Variants in CFAP95 observed in about 807,000 individuals in gnomAD.
The protein encoded by CFAP95 is cilia- and flagella-associated protein 95.
chr9:69,873,896 A>G, the CFAP95 span, among the ~76,000 whole-genome samples: 1 of 152,250 alleles, frequency 6.6e-6, no homozygotes, highest in African/African-American at 2.4e-5. Flanking sequence ...GGGCAGCTGT[A>G]GACGTTTTAA....
the CFAP95 span, among the ~76,000 whole-genome samples, chr9:69,839,680 G>A: frequency 6.6e-6 from 1 of 151,538 alleles, no homozygotes; most frequent in South Asian, 2.1e-4. Context: ...GCCTGCCTCA[G>A]CCTCCCAAAG....
the CFAP95 span, chr9:69,844,521 C>T: frequency 3.2e-3 from 5,096 of 1,591,366 alleles, 143 homozygotes; most frequent in African/African-American, 0.061. Context: ...CTTAAGGCAC[C>T]GTGACAGAGA....
the CFAP95 span, among the ~76,000 whole-genome samples, chr9:69,847,026 G>A: frequency 2.6e-5 from 4 of 152,150 alleles, no homozygotes; most frequent in African/African-American, 9.7e-5. Context: ...GGAATTTAGA[G>A]GACACGGGGT....
At chr9:69,884,778 T>C in the CFAP95 span, 2 of 152,130 alleles carry the variant, frequency 1.3e-5, no homozygotes. Context: ...ATTTTTATGA[T>C]TTTAATTTGT....
the CFAP95 span, among the ~76,000 whole-genome samples, chr9:69,823,846 C>G: frequency 1.3e-5 from 2 of 152,100 alleles, no homozygotes; most frequent in Admixed American, 6.5e-5. Flanking sequence ...AGTGGTGGAG[C>G]TTTTTGAGCC....
At chr9:69,863,661 T>G in the CFAP95 span, among the ~76,000 whole-genome samples, 2 of 152,178 alleles carry the variant, frequency 1.3e-5, no homozygotes, top group Non-Finnish European at 2.9e-5. Context: ...TACAAATCTC[T>G]GGGCTGTGTC....
chr9:69,896,547 C>T, the CFAP95 span, among the ~76,000 whole-genome samples: 2 of 152,174 alleles, frequency 1.3e-5, no homozygotes, highest in Non-Finnish European at 2.9e-5. Context: ...GTCTCATGCT[C>T]TGTTAATATC....
the CFAP95 span, among the ~76,000 whole-genome samples, chr9:69,837,788 A>G: frequency 4.6e-5 from 7 of 152,166 alleles, no homozygotes; most frequent in East Asian, 1.9e-4. Flanking sequence ...TTGGTGTTTT[A>G]GACATGAAGT....
chr9:69,904,344 T>G, the CFAP95 span, among the ~76,000 whole-genome samples: 3 of 152,252 alleles, frequency 2.0e-5, no homozygotes, highest in African/African-American at 4.8e-5. Context: ...TTCAGGGTCT[T>G]TCAATTCTGT....
chr9:69,888,885 G>A, the CFAP95 span, among the ~76,000 whole-genome samples: 4 of 148,762 alleles, frequency 2.7e-5, no homozygotes, highest in African/African-American at 2.5e-5. Context: ...CTCAAAAAGG[G>A]AAAAAAAAAA....
the CFAP95 span, among the ~76,000 whole-genome samples, chr9:69,878,235 CTGCT>C: frequency 2.0e-5 from 3 of 152,166 alleles, no homozygotes; most frequent in Non-Finnish European, 4.4e-5. Flanking sequence ...TCTAGTTGTA[CTGCT>C]CCTTCCCAGA....
At chr9:69,905,938 C>G in the CFAP95 span, 42 of 1,486,948 alleles carry the variant, frequency 2.8e-5, no homozygotes, top group Non-Finnish European at 3.2e-5. Context: ...TATTATTTCT[C>G]TTTTTTCCCC....
chr9:69,837,188 T>C, the CFAP95 span, among the ~76,000 whole-genome samples: 2 of 152,144 alleles, frequency 1.3e-5, no homozygotes, highest in African/African-American at 2.4e-5. Context: ...CCGCAATAAA[T>C]ATACGTGTGC....
the CFAP95 span, among the ~76,000 whole-genome samples, chr9:69,882,283 A>G: frequency 6.6e-6 from 1 of 152,026 alleles, no homozygotes; most frequent in African/African-American, 2.4e-5. Flanking sequence ...TCTGCCACTG[A>G]TTTTTGTATG....
the CFAP95 span, among the ~76,000 whole-genome samples, chr9:69,850,120 A>G: frequency 1.3e-5 from 2 of 152,204 alleles, no homozygotes; most frequent in Non-Finnish European, 1.5e-5. Context: ...AAGAAAGACC[A>G]CTTCTGAGAA....
chr9:69,852,056 G>C, the CFAP95 span, among the ~76,000 whole-genome samples: 1 of 152,106 alleles, frequency 6.6e-6, no homozygotes, highest in Non-Finnish European at 1.5e-5. Flanking sequence ...ACATGGCACT[G>C]CTGAGTTAAC....
At chr9:69,835,935 G>A in the CFAP95 span, among the ~76,000 whole-genome samples, 3 of 152,032 alleles carry the variant, frequency 2.0e-5, no homozygotes, top group Non-Finnish European at 2.9e-5. Context: ...CCTCTCCTCC[G>A]CTGACACGGA....
the CFAP95 span, among the ~76,000 whole-genome samples, chr9:69,894,949 C>A: frequency 1.4e-4 from 21 of 150,550 alleles, no homozygotes; most frequent in African/African-American, 4.9e-4. Context: ...CTAGATTGCA[C>A]CACTGCATTC....
the CFAP95 span, among the ~76,000 whole-genome samples, chr9:69,822,377 T>G: frequency 1.3e-5 from 2 of 152,372 alleles, no homozygotes; most frequent in East Asian, 1.9e-4. Flanking sequence ...CCAACAAGTT[T>G]ACCTTTCTGC....
Sources: allele counts gnomAD v4.1 joint callset (sites outside exome capture counted in the v4.1 genomes callset), GRCh38; gene constraint gnomAD v4.1.1; transcripts MANE v1.5; gene names NCBI Gene and HGNC (gene_info 2026-07-23, HGNC 2026-07-21).